Variants in NR6A1 observed in about 807,000 individuals in gnomAD.
NR6A1 encodes retinoic acid receptor-related testis-associated receptor.
NR6A1 carries 7 observed loss-of-function variants against 59.1 expected under a neutral mutation model. That is an observed-to-expected ratio of 0.12 (90% CI 0.07 to 0.22). The LOEUF is 0.22. Among genes scored for constraint, NR6A1 ranks in the 10% least tolerant of loss-of-function variants. The pLI is 1.00. For missense variants in NR6A1, 468 were observed against 611.6 expected (o/e 0.77, Z 2.48); for synonymous variants, 243 against 236.1 (o/e 1.03, Z -0.27).
At chr9:124,543,721 G>T in intron 4 of NR6A1, 81 bp downstream of exon 4, 1 of 1,049,430 alleles carries the variant, frequency 9.5e-7, no homozygotes, top group Non-Finnish European at 1.4e-6. Context: ...GCAGATGAAA[G>T]AGTCAAGGTG....
intron 2 of NR6A1, among the ~76,000 whole-genome samples, chr9:124,655,293 T>G (rs1048055575): frequency 6.6e-6 from 1 of 152,202 alleles, no homozygotes; most frequent in Non-Finnish European, 1.5e-5. Context: ...GAACAAGCAA[T>G]TTGAACAAAG....
intron 2 of NR6A1, 49 bp from the exon 3 acceptor site, chr9:124,554,619 A>G: frequency 6.2e-7 from 1 of 1,611,772 alleles, no homozygotes; most frequent in Non-Finnish European, 8.5e-7. Context: ...CTTTAAGCCT[A>G]CAGTTCCTAA....
At chr9:124,654,086 G>C (rs1385532227) in intron 2 of NR6A1, among the ~76,000 whole-genome samples, 1 of 152,152 alleles carries the variant, frequency 6.6e-6, no homozygotes, top group Admixed American at 6.5e-5. Flanking sequence ...GTTGTGGAAA[G>C]GGCAATGAAA....
At chr9:124,611,198 G>A (rs1265711644) in intron 2 of NR6A1, among the ~76,000 whole-genome samples, 2 of 151,786 alleles carry the variant, frequency 1.3e-5, no homozygotes, top group Non-Finnish European at 2.9e-5. Context: ...ATTGGGATCA[G>A]GCCATTTTGG....
chr9:124,584,994 A>G (rs184062502), intron 2 of NR6A1, among the ~76,000 whole-genome samples: 113 of 152,362 alleles, frequency 7.4e-4, no homozygotes, highest in Non-Finnish European at 1.3e-3. Context: ...AAATGATAAG[A>G]AAGAAAAACA....
chr9:124,630,646 A>G (rs1224708150), intron 2 of NR6A1, among the ~76,000 whole-genome samples: 1 of 104,418 alleles, frequency 9.6e-6, no homozygotes, highest in South Asian at 3.4e-4. Context: ...TATACTTTTG[A>G]CCCCTGGGCA....
chr9:124,712,904 A>T (rs1839318149), intron 2 of NR6A1, among the ~76,000 whole-genome samples: 1 of 152,216 alleles, frequency 6.6e-6, no homozygotes, highest in African/African-American at 2.4e-5. Context: ...TATTAATCTG[A>T]AAACAACACC....
intron 1 of NR6A1, among the ~76,000 whole-genome samples, chr9:124,761,061 A>G (rs1390562436): frequency 1.3e-5 from 2 of 152,256 alleles, no homozygotes; most frequent in African/African-American, 4.8e-5. Flanking sequence ...GGGTACAGAA[A>G]GAATATGGAA....
chr9:124,570,370 T>A (rs1414700381), intron 2 of NR6A1, among the ~76,000 whole-genome samples: 1 of 152,224 alleles, frequency 6.6e-6, no homozygotes, highest in Non-Finnish European at 1.5e-5. Flanking sequence ...GAGACCTGTC[T>A]TTGATACTTT....
chr9:124,678,835 TTAAGAAAGTAG>T (rs1288939403), intron 2 of NR6A1, among the ~76,000 whole-genome samples: 1 of 152,148 alleles, frequency 6.6e-6, no homozygotes, highest in East Asian at 1.9e-4. Context: ...AAATAAAATT[TTAAGAAAGTAG>T]TAAGAAAGCC....
chr9:124,571,070 G>C (rs777114038), intron 2 of NR6A1, among the ~76,000 whole-genome samples: 27 of 152,192 alleles, frequency 1.8e-4, no homozygotes, highest in Non-Finnish European at 3.2e-4. Flanking sequence ...AGACGATGTA[G>C]TGGACACTGA....
intron 7 of NR6A1, among the ~76,000 whole-genome samples, chr9:124,533,813 G>A (rs1833169714): frequency 6.6e-6 from 1 of 152,072 alleles, no homozygotes; most frequent in Non-Finnish European, 1.5e-5. Flanking sequence ...ACCATGCCCG[G>A]CTAATTTTTG....
At chr9:124,662,115 G>A (rs1837457260) in intron 2 of NR6A1, among the ~76,000 whole-genome samples, 1 of 151,958 alleles carries the variant, frequency 6.6e-6, no homozygotes, top group African/African-American at 2.4e-5. Flanking sequence ...AAGAGGTCCA[G>A]GTCCATTTTT....
At chr9:124,550,045 T>C (rs576724997) in intron 3 of NR6A1, among the ~76,000 whole-genome samples, 31 of 152,338 alleles carry the variant, frequency 2.0e-4, no homozygotes, top group African/African-American at 7.5e-4. Flanking sequence ...TTCTGAAGAA[T>C]GTCCCTCAAT....
At position 124,536,127 on chromosome 9, in the gene NR6A1, G is replaced by A; in HGVS notation, c.830C>T (p.Ala277Val). ...GTPMLIEDGY[A>V]VTQAELFALL... ...GGCAAATAGTTCTGCCTGTGTCACA[G>A]CGTATCTGAGGGGCAGGGACAGGGG... is the stretch of plus-strand genomic sequence containing the variant. The change falls in exon 7 of 10, where the codon GCT becomes GTT. Residue 277 changes from alanine to valine, a missense_variant. Transcript: ENST00000487099. The A allele has an allele frequency of 6.2e-7, 1 of 1,612,254 alleles. No individual in the cohort carries two copies. Among genetic ancestry groups the A allele is most frequent in the Non-Finnish European group, 8.5e-7 (1 of 1,178,766 alleles).
At chr9:124,706,890 T>C (rs549058200) in intron 2 of NR6A1, among the ~76,000 whole-genome samples, 42 of 152,324 alleles carry the variant, frequency 2.8e-4, no homozygotes, top group Admixed American at 6.5e-5. Flanking sequence ...TGATGAGAAG[T>C]CAGCCACAAA....
chr9:124,569,638 T>C (rs1274710787), intron 2 of NR6A1, among the ~76,000 whole-genome samples: 1 of 152,230 alleles, frequency 6.6e-6, no homozygotes, highest in Non-Finnish European at 1.5e-5. Context: ...TTCTAAGGAC[T>C]GACTCCAATC....
chr9:124,560,198 T>TAA (rs547187249), intron 2 of NR6A1, among the ~76,000 whole-genome samples: 109 of 152,370 alleles, frequency 7.2e-4, no homozygotes, highest in African/African-American at 2.3e-3. Flanking sequence ...CACAGGCACC[T>TAA]AAAACCTGAA....
At chr9:124,748,106 T>A (rs1164996624) in intron 1 of NR6A1, among the ~76,000 whole-genome samples, 2 of 152,172 alleles carry the variant, frequency 1.3e-5, no homozygotes, top group African/African-American at 4.8e-5. Flanking sequence ...TATACCAACT[T>A]TGATGTTAAA....
Sources: gnomAD v4.1 joint callset for allele counts (sites outside exome capture counted in the v4.1 genomes callset) on GRCh38, gnomAD v4.1.1 for gene constraint, MANE v1.5 for transcripts, NCBI Gene and HGNC (gene_info 2026-07-23, HGNC 2026-07-21) for gene names.